Variants in HPSE2 observed in about 807,000 individuals in gnomAD.
HPSE2 encodes the protein inactive heparanase-2.
Under a neutral mutation model 60.5 loss-of-function variants are expected in HPSE2, and 38 were observed. The observed-to-expected ratio is 0.63, with a 90% CI of 0.48 to 0.82. The LOEUF (loss-of-function observed/expected upper bound fraction) is 0.82, where lower values mean the gene tolerates loss of function less well. Ranked by LOEUF, HPSE2 falls within the 40% of genes least tolerant of loss-of-function variation. The probability of loss-of-function intolerance (pLI) is 0.00; values close to 1 mark genes in which losing one functional copy is unlikely to be tolerated. For synonymous variants in HPSE2, 295 were observed against 293.2 expected (o/e 1.01, Z -0.06); for missense variants, 713 against 740.4 (o/e 0.96, Z 0.43).
intron 3 of HPSE2, among the ~76,000 whole-genome samples, chr10:99,111,397 A>G (rs982845794): frequency 4.6e-5 from 7 of 152,182 alleles, no homozygotes; most frequent in African/African-American, 1.7e-4. Context: ...CAGACTCCAC[A>G]AAATTAGGAC....
intron 3 of HPSE2, among the ~76,000 whole-genome samples, chr10:98,794,262 A>G (rs1950722724): frequency 6.8e-6 from 1 of 147,676 alleles, no homozygotes; most frequent in Admixed American, 6.7e-5. Flanking sequence ...TTTTTTTGAG[A>G]CAGAGTCTCA....
At chr10:98,549,080 A>G (rs542520991) in intron 9 of HPSE2, among the ~76,000 whole-genome samples, 1 of 150,670 alleles carries the variant, frequency 6.6e-6, no homozygotes, top group East Asian at 1.9e-4. Context: ...GTTCCATTCC[A>G]GCAACCTCAA....
At chr10:99,311,232 G>T in the HPSE2 span, among the ~76,000 whole-genome samples, 1 of 152,160 alleles carries the variant, frequency 6.6e-6, no homozygotes, top group Non-Finnish European at 1.5e-5. Flanking sequence ...ATCATAAAAT[G>T]TATATAGATA....
intron 3 of HPSE2, among the ~76,000 whole-genome samples, chr10:99,112,422 GTTTTGTTTTGTTTTGTTT>G: frequency 7.1e-6 from 1 of 141,494 alleles, no homozygotes; most frequent in East Asian, 2.0e-4. Flanking sequence ...GTTGTGTTTT[GTTTTGTTTTGTTTTGTTT>G]TGTTTTGTTT....
chr10:98,819,250 T>C (rs1460820010), intron 3 of HPSE2, among the ~76,000 whole-genome samples: 1 of 152,138 alleles, frequency 6.6e-6, no homozygotes, highest in Non-Finnish European at 1.5e-5. Flanking sequence ...AAGGAGATTC[T>C]CACTGTCCTT....
chr10:99,108,915 T>C (rs1844351453), intron 3 of HPSE2, among the ~76,000 whole-genome samples: 1 of 152,176 alleles, frequency 6.6e-6, no homozygotes, highest in Non-Finnish European at 1.5e-5. Context: ...CCCCTCCCTA[T>C]TCCCCAGGCA....
At chr10:98,483,562 C>T (rs1053186186) in intron 10 of HPSE2, among the ~76,000 whole-genome samples, 4 of 152,184 alleles carry the variant, frequency 2.6e-5, no homozygotes, top group Admixed American at 6.5e-5. Flanking sequence ...CCAGTTCATT[C>T]CCAGTGGTGC....
chr10:98,494,937 C>T (rs1276068553), intron 9 of HPSE2, among the ~76,000 whole-genome samples: 1 of 152,050 alleles, frequency 6.6e-6, no homozygotes, highest in African/African-American at 2.4e-5. Context: ...ACAATAATGC[C>T]AGCTTGTATA....
chr10:98,723,323 C>A (rs547817597), intron 4 of HPSE2, among the ~76,000 whole-genome samples: 1 of 152,122 alleles, frequency 6.6e-6, no homozygotes, highest in African/African-American at 2.4e-5. Flanking sequence ...CCCACTTGAT[C>A]ATGGTGGATA....
At chr10:99,009,628 A>T (rs1956968440) in intron 3 of HPSE2, among the ~76,000 whole-genome samples, 1 of 152,170 alleles carries the variant, frequency 6.6e-6, no homozygotes, top group Non-Finnish European at 1.5e-5. Context: ...TAGGGGTTTC[A>T]TGTCCAAGTC....
intron 3 of HPSE2, among the ~76,000 whole-genome samples, chr10:98,881,371 G>T (rs939009684): frequency 1.3e-5 from 2 of 152,038 alleles, no homozygotes; most frequent in African/African-American, 4.8e-5. Context: ...CATATGACAG[G>T]AAGTTGGGAG....
chr10:98,488,545 C>A (rs1941523818), intron 10 of HPSE2, among the ~76,000 whole-genome samples: 1 of 152,200 alleles, frequency 6.6e-6, no homozygotes. Flanking sequence ...AGACGCAAAT[C>A]CTGCTAAGCC....
chr10:99,024,803 ATAT>A (rs1033674767), intron 3 of HPSE2, among the ~76,000 whole-genome samples: 3 of 152,164 alleles, frequency 2.0e-5, no homozygotes, highest in African/African-American at 7.2e-5. Flanking sequence ...CCTAGAATAA[ATAT>A]TATGTCTAGT....
intron 3 of HPSE2, among the ~76,000 whole-genome samples, chr10:99,117,777 T>C (rs1239463171): frequency 6.6e-6 from 1 of 152,158 alleles, no homozygotes; most frequent in Admixed American, 6.5e-5. Flanking sequence ...AGTCGAATTC[T>C]ACCAGTTATA....
chr10:98,976,263 A>T (rs1956082314), intron 3 of HPSE2, among the ~76,000 whole-genome samples: 2 of 152,182 alleles, frequency 1.3e-5, no homozygotes, highest in Non-Finnish European at 2.9e-5. Flanking sequence ...TCTCCAACAA[A>T]GGCAAGTATA....
At chr10:98,894,276 C>T (rs906919641) in intron 3 of HPSE2, among the ~76,000 whole-genome samples, 1 of 152,068 alleles carries the variant, frequency 6.6e-6, no homozygotes, top group African/African-American at 2.4e-5. Flanking sequence ...GCAAGTACAA[C>T]AGCAGATATT....
intron 2 of HPSE2, among the ~76,000 whole-genome samples, chr10:99,219,817 T>C (rs1849249540): frequency 6.6e-6 from 1 of 152,206 alleles, no homozygotes; most frequent in Non-Finnish European, 1.5e-5. Flanking sequence ...TAGGGAGCTA[T>C]TCAAAAATGG....
At chr10:98,848,059 A>G (rs764064903) in intron 3 of HPSE2, among the ~76,000 whole-genome samples, 1 of 152,258 alleles carries the variant, frequency 6.6e-6, no homozygotes, top group African/African-American at 2.4e-5. Flanking sequence ...ACTCAGAGTA[A>G]ACAGACTTAT....
chr10:98,947,490 T>C (rs1298384949), intron 3 of HPSE2, among the ~76,000 whole-genome samples: 2 of 152,154 alleles, frequency 1.3e-5, no homozygotes, highest in Non-Finnish European at 2.9e-5. Context: ...TAGCTCCTGC[T>C]GACAAGAGGC....
Sources: gnomAD v4.1 joint callset for allele counts (sites outside exome capture counted in the v4.1 genomes callset) on GRCh38, gnomAD v4.1.1 for gene constraint, MANE v1.5 for transcripts, NCBI Gene and HGNC (gene_info 2026-07-23, HGNC 2026-07-21) for gene names.